The following SDK1 variants were observed in gnomAD, a reference collection of about 807,000 sequenced individuals.
SDK1 encodes the protein protein sidekick-1.
SDK1 carries 157 observed loss-of-function variants against 245.5 expected under a neutral mutation model. The ratio of observed to expected loss-of-function variants is 0.64; its 90% CI spans 0.56 to 0.73. SDK1 has a LOEUF of 0.73. SDK1 is among the 30% of genes least tolerant of loss of function. The probability of loss-of-function intolerance (pLI) is 0.00; values close to 1 mark genes in which losing one functional copy is unlikely to be tolerated. For synonymous variants in SDK1, 1,647 were observed against 1,278.5 expected, an observed-to-expected ratio of 1.29 and a Z score of -6.15; for missense variants, 3,583 against 3,002.3, an observed-to-expected ratio of 1.19 and a Z score of -4.52.
intron 4 of SDK1, among the ~76,000 whole-genome samples, chr7:3,722,552 G>A (rs984129345): frequency 3.9e-5 from 6 of 152,302 alleles, no homozygotes; most frequent in African/African-American, 1.4e-4. Flanking sequence ...TCCCTGTGCT[G>A]CTGAGGTCCA....
intron 17 of SDK1, among the ~76,000 whole-genome samples, chr7:4,047,259 TTTTC>T (rs1221822437): frequency 6.6e-6 from 1 of 152,220 alleles, no homozygotes; most frequent in African/African-American, 2.4e-5. Context: ...GTTCATATGT[TTTTC>T]TATTTTATTC....
At chr7:3,585,535 C>G (rs1385584740) in intron 1 of SDK1, among the ~76,000 whole-genome samples, 1 of 152,076 alleles carries the variant, frequency 6.6e-6, no homozygotes, top group African/African-American at 2.4e-5. Flanking sequence ...AGTGGAGTGC[C>G]AGGGCACAAA....
At chr7:4,086,700 AC>A (rs1164423050) in intron 22 of SDK1, among the ~76,000 whole-genome samples, 2 of 151,814 alleles carry the variant, frequency 1.3e-5, no homozygotes, top group African/African-American at 4.8e-5. Flanking sequence ...CCTTGTATTC[AC>A]CTGGATAACC....
intron 14 of SDK1, among the ~76,000 whole-genome samples, chr7:3,996,557 G>A (rs866802537): frequency 8.5e-5 from 13 of 152,100 alleles, no homozygotes; most frequent in African/African-American, 2.2e-4. Context: ...ATACCCATAG[G>A]CTGTATACTT....
At position 4,059,863 on chromosome 7, in the gene SDK1, G is replaced by A. The variant is rs149811721; in HGVS notation, c.2912-7975G>A. Reference sequence around the variant, plus strand: ...CCTTTGGGTCAAGGAAGAAATTAAGGAGGAAATTTAAAAATTTCTTTTTTT... The same window carrying A: ...CCTTTGGGTCAAGGAAGAAATTAAGAAGGAAATTTAAAAATTTCTTTTTTT... On this transcript the variant is annotated intron_variant, in intron 19 of 44. Transcript: ENST00000404826. Among the ~76,000 whole-genome samples the A allele has an allele frequency of 5.6e-3, 852 of 151,930 alleles. 5 individuals are homozygous for A. Among genetic ancestry groups the A allele is most frequent in the Non-Finnish European group, 9.1e-3 (622 of 67,986 alleles).
chr7:3,784,936 A>G (rs1310661932), intron 4 of SDK1, among the ~76,000 whole-genome samples: 3 of 152,250 alleles, frequency 2.0e-5, no homozygotes, highest in Non-Finnish European at 2.9e-5. Context: ...ACAGTAGCTG[A>G]GCTGTGGAAT....
At chr7:3,953,174 A>G (rs1217144064) in intron 7 of SDK1, among the ~76,000 whole-genome samples, 2 of 151,908 alleles carry the variant, frequency 1.3e-5, no homozygotes, top group Non-Finnish European at 2.9e-5. Flanking sequence ...AATAAGGAAA[A>G]AAAAAAAAAA....
intron 1 of SDK1, among the ~76,000 whole-genome samples, chr7:3,565,068 C>T (rs554141460): frequency 6.6e-6 from 1 of 150,972 alleles, no homozygotes; most frequent in Admixed American, 6.6e-5. Context: ...CATGACAATC[C>T]AGGAGACAGG....
At chr7:3,593,036 A>G (rs932584401) in intron 1 of SDK1, among the ~76,000 whole-genome samples, 39 of 152,196 alleles carry the variant, frequency 2.6e-4, no homozygotes, top group African/African-American at 7.2e-4. Flanking sequence ...GAGTGTTGCA[A>G]GTGGAAATCA....
At chr7:3,958,333 T>A (rs868360155) in intron 7 of SDK1, 3 of 263,918 alleles carry the variant, frequency 1.1e-5, no homozygotes, top group South Asian at 1.1e-4. Flanking sequence ...CACTGTTTTT[T>A]TTTCTGCGGA....
intron 4 of SDK1, among the ~76,000 whole-genome samples, chr7:3,781,669 A>G (rs1780748829): frequency 6.6e-6 from 1 of 152,216 alleles, no homozygotes; most frequent in Non-Finnish European, 1.5e-5. Context: ...TAGAAAATTG[A>G]ATAAAATTTG....
At position 3,807,706 on chromosome 7, in the gene SDK1, C is replaced by T. The variant is rs1779285986; in HGVS notation, c.714-13744C>T. ...ACTGGGTCTGGGGCCAGGGAGATGA[C>T]AGAGACAACCATTAAAGGACTTGAT... is the stretch of plus-strand genomic sequence containing the variant. On this transcript the variant is annotated intron_variant, in intron 4 of 44. Coordinates refer to ENST00000404826, the MANE Select transcript of SDK1 (RefSeq NM_152744.4). 2.6e-5 allele frequency among the ~76,000 whole-genome samples: 4 copies of T among 152,234 alleles called. No individual in the cohort carries two copies. The South Asian group carries it at 8.3e-4, about 32-fold the overall frequency.
chr7:3,559,487 A>G (rs1779683892), intron 1 of SDK1, among the ~76,000 whole-genome samples: 1 of 152,198 alleles, frequency 6.6e-6, no homozygotes, highest in South Asian at 2.1e-4. Context: ...TTTTTTTTTA[A>G]GTGCCAGGAT....
chr7:4,256,438 C>G (rs1171018032), intron 44 of SDK1, among the ~76,000 whole-genome samples: 1 of 152,210 alleles, frequency 6.6e-6, no homozygotes, highest in African/African-American at 2.4e-5. Context: ...AGTCCCAGAA[C>G]TGCAGAAAAG....
At chr7:4,198,723 G>A (rs1164877590) in intron 35 of SDK1, among the ~76,000 whole-genome samples, 1 of 152,108 alleles carries the variant, frequency 6.6e-6, no homozygotes, top group Non-Finnish European at 1.5e-5. Context: ...CTTAGGGTTA[G>A]GCAGATCCAA....
intron 1 of SDK1, among the ~76,000 whole-genome samples, chr7:3,322,227 T>C (rs1199122523): frequency 6.6e-6 from 1 of 152,154 alleles, no homozygotes; most frequent in African/African-American, 2.4e-5. Context: ...ATTCTGAATA[T>C]TTTATATACA....
chr7:3,985,102 G>T (rs1288037204), intron 13 of SDK1, among the ~76,000 whole-genome samples: 1 of 152,150 alleles, frequency 6.6e-6, no homozygotes, highest in African/African-American at 2.4e-5. Context: ...TTATCCCCAT[G>T]ACTGGCCTTC....
intron 1 of SDK1, among the ~76,000 whole-genome samples, chr7:3,376,915 G>T (rs1025155738): frequency 6.6e-6 from 1 of 151,230 alleles, no homozygotes; most frequent in Non-Finnish European, 1.5e-5. Context: ...GACTTTCCTG[G>T]ATCTGTCTCC....
intron 22 of SDK1, among the ~76,000 whole-genome samples, chr7:4,087,283 T>C (rs570756947): frequency 9.2e-5 from 14 of 152,182 alleles, no homozygotes; most frequent in Admixed American, 8.5e-4. Flanking sequence ...AAAATGACCA[T>C]TTTTTTTCCT....
Sources: allele counts gnomAD v4.1 joint callset (sites outside exome capture counted in the v4.1 genomes callset), GRCh38; gene constraint gnomAD v4.1.1; transcripts MANE v1.5; gene names NCBI Gene and HGNC (gene_info 2026-07-23, HGNC 2026-07-21).